The following KCNH5 variants were observed in gnomAD, a reference collection of about 807,000 sequenced individuals.
KCNH5 encodes voltage-gated delayed rectifier potassium channel KCNH5.
In KCNH5, 46 loss-of-function variants were observed where a neutral mutation model predicts 96.1. The observed-to-expected ratio is 0.48, with a 90% CI of 0.38 to 0.61. The LOEUF (loss-of-function observed/expected upper bound fraction) is 0.61, where lower values mean the gene tolerates loss of function less well. Ranked by LOEUF, KCNH5 falls within the 20% of genes least tolerant of loss-of-function variation. KCNH5 has a pLI of 0.00. For synonymous variants in KCNH5, 439 were observed against 449.8 expected (o/e 0.98, Z 0.30); for missense variants, 907 against 1,225.8 (o/e 0.74, Z 3.88).
chr14:62,990,830 A>G (rs1021856497), intron 4 of KCNH5, among the ~76,000 whole-genome samples: 1 of 152,134 alleles, frequency 6.6e-6, no homozygotes, highest in African/African-American at 2.4e-5. Flanking sequence ...TGGGAAAGAT[A>G]CAATCATGGC....
At chr14:62,991,806 C>A (rs200762464) in intron 4 of KCNH5, among the ~76,000 whole-genome samples, 1 of 152,070 alleles carries the variant, frequency 6.6e-6, no homozygotes, top group East Asian at 1.9e-4. Context: ...TTGAAAAAAG[C>A]AGAAGCCATA....
At chr14:62,866,636 A>C (rs1888139708) in intron 7 of KCNH5, among the ~76,000 whole-genome samples, 1 of 152,198 alleles carries the variant, frequency 6.6e-6, no homozygotes, top group African/African-American at 2.4e-5. Flanking sequence ...TTACATGAAG[A>C]GGTTGCATGA....
chr14:63,001,326 A>G lies in KCNH5; in HGVS notation c.433+5T>C, dbSNP rs760681521. ...TTTCAGTGTAGTAATTCTTTTGAAAATTACCTTTTGTTGAATCATCCTCTA... is the reference window on the plus strand; with the variant it reads ...TTTCAGTGTAGTAATTCTTTTGAAAGTTACCTTTTGTTGAATCATCCTCTA... On this transcript the variant is annotated splice_donor_5th_base_variant and intron_variant, in intron 4 of 10. Transcript: ENST00000322893. 5 of 1,594,548 alleles carry G rather than the reference A, an allele frequency of 3.1e-6. No individual in the cohort carries two copies. The highest frequency in any genetic ancestry group is 4.6e-5 in the East Asian group (2 of 43,778).
At chr14:62,857,071 A>G (rs540464165) in intron 7 of KCNH5, among the ~76,000 whole-genome samples, 57 of 152,214 alleles carry the variant, frequency 3.7e-4, no homozygotes, top group South Asian at 1.5e-3. Flanking sequence ...GATGTCACCT[A>G]TCTTAGAGCT....
At chr14:63,015,446 A>G (rs1388225223) in intron 2 of KCNH5, among the ~76,000 whole-genome samples, 1 of 151,986 alleles carries the variant, frequency 6.6e-6, no homozygotes, top group Non-Finnish European at 1.5e-5. Context: ...TCCCTTCTGT[A>G]TAACATGGAT....
intron 6 of KCNH5, among the ~76,000 whole-genome samples, chr14:62,973,191 T>C (rs1890441600): frequency 6.6e-6 from 1 of 152,198 alleles, no homozygotes; most frequent in Non-Finnish European, 1.5e-5. Flanking sequence ...TTAAAGTCTA[T>C]TTTTAAAAAG....
intron 9 of KCNH5, among the ~76,000 whole-genome samples, chr14:62,786,194 AAAATAAAT>A (rs746626492): frequency 8.6e-4 from 131 of 152,186 alleles, no homozygotes; most frequent in Non-Finnish European, 1.4e-3. Context: ...CAGTCTCAGA[AAAATAAAT>A]AAATAAATAA....
intron 10 of KCNH5, among the ~76,000 whole-genome samples, chr14:62,732,017 T>C (rs982137816): frequency 2.0e-5 from 3 of 152,206 alleles, no homozygotes; most frequent in Non-Finnish European, 2.9e-5. Flanking sequence ...TAAAATTTTC[T>C]TGTTCTTGGC....
At chr14:63,031,396 A>G (rs940860916) in intron 1 of KCNH5, among the ~76,000 whole-genome samples, 1 of 152,142 alleles carries the variant, frequency 6.6e-6, no homozygotes, top group African/African-American at 2.4e-5. Flanking sequence ...TTCTGGACAA[A>G]GGAAGGTTAT....
At chr14:62,887,850 A>G (rs1888629667) in intron 7 of KCNH5, among the ~76,000 whole-genome samples, 1 of 152,190 alleles carries the variant, frequency 6.6e-6, no homozygotes, top group South Asian at 2.1e-4. Context: ...GAGTAGTCTC[A>G]CATGAAACTT....
intron 1 of KCNH5, among the ~76,000 whole-genome samples, chr14:63,021,356 TG>T (rs1891423189): frequency 6.6e-6 from 1 of 152,126 alleles, no homozygotes; most frequent in African/African-American, 2.4e-5. Context: ...TATACAAACA[TG>T]TTTCCCATTG....
intron 6 of KCNH5, among the ~76,000 whole-genome samples, chr14:62,953,758 C>T (rs1216940765): frequency 6.6e-6 from 1 of 152,148 alleles, no homozygotes; most frequent in Admixed American, 6.6e-5. Flanking sequence ...TTCCCATAGA[C>T]ATGTTTGGTC....
At chr14:63,003,516 TTA>T (rs1236989784) in intron 3 of KCNH5, among the ~76,000 whole-genome samples, 2 of 91,458 alleles carry the variant, frequency 2.2e-5, no homozygotes, top group African/African-American at 7.9e-5. Context: ...TATATATATT[TTA>T]TATATTTTAT....
intron 10 of KCNH5, among the ~76,000 whole-genome samples, chr14:62,759,535 A>G (rs2139953780): frequency 1.1e-5 from 1 of 91,288 alleles, no homozygotes. Flanking sequence ...ATTCCATTTG[A>G]TATCATAAAG....
At chr14:62,720,079 T>C (rs1240527280) in intron 10 of KCNH5, among the ~76,000 whole-genome samples, 1 of 152,140 alleles carries the variant, frequency 6.6e-6, no homozygotes, top group Non-Finnish European at 1.5e-5. Context: ...GTTGAGTATC[T>C]ATGGGGAGGT....
At chr14:62,857,298 A>C (rs1887948640) in intron 7 of KCNH5, among the ~76,000 whole-genome samples, 1 of 152,202 alleles carries the variant, frequency 6.6e-6, no homozygotes, top group Admixed American at 6.5e-5. Flanking sequence ...TTTACTTGAA[A>C]AAATTATAAG....
In KCNH5 at chr14:62,707,395, C is replaced by A; in HGVS notation, c.*113G>T. On this transcript the variant is annotated 3_prime_UTR_variant, in exon 11 of 11. Transcript: ENST00000322893. ...ACATGCAATATTTACATATCAAAAT[C>A]CATGTGTGGTCATCATCTTGAAAGC... The A allele has an allele frequency of 2.0e-6, 1 of 495,322 alleles. No individual in the cohort carries two copies. Among genetic ancestry groups the A allele is most frequent in the Middle Eastern group, 5.7e-4 (1 of 1,756 alleles). The allele number at this position is 495,322 out of a possible 1,614,324, so 30.7% of individuals were successfully genotyped here. A position where few individuals can be genotyped will look rare whatever the true frequency, so the allele number is the denominator to read the frequency against.
intron 8 of KCNH5, among the ~76,000 whole-genome samples, chr14:62,809,589 T>G (rs1193583227): frequency 6.6e-6 from 1 of 152,072 alleles, no homozygotes; most frequent in African/African-American, 2.4e-5. Flanking sequence ...GGCTTGGCTT[T>G]AAAAAAGTCT....
intron 2 of KCNH5, among the ~76,000 whole-genome samples, chr14:63,008,486 T>G (rs971164276): frequency 6.6e-6 from 1 of 151,976 alleles, no homozygotes; most frequent in Non-Finnish European, 1.5e-5. Context: ...CAAGCCCACC[T>G]TCTATAACAC....
Sources: allele counts gnomAD v4.1 joint callset (sites outside exome capture counted in the v4.1 genomes callset), GRCh38; gene constraint gnomAD v4.1.1; transcripts MANE v1.5; gene names NCBI Gene and HGNC (gene_info 2026-07-23, HGNC 2026-07-21).